The following OPN3 variants were observed in gnomAD, a reference collection of about 807,000 sequenced individuals.
OPN3 encodes the protein opsin-3.
OPN3 carries 29 observed loss-of-function variants against 33.8 expected under a neutral mutation model. The ratio of observed to expected loss-of-function variants is 0.86; its 90% CI spans 0.64 to 1.17. OPN3 has a LOEUF of 1.17. Ranked by LOEUF, OPN3 falls within the 50% of genes most tolerant of loss-of-function variation. The probability of loss-of-function intolerance (pLI) is 0.00; values close to 1 mark genes in which losing one functional copy is unlikely to be tolerated. For missense variants in OPN3, 437 were observed against 514.1 expected (o/e 0.85, Z 1.45); for synonymous variants, 216 against 216.1 (o/e 1.00, Z 0.00).
chr1:241,600,926 G>C (rs879854772), intron 2 of OPN3: 1 of 152,044 alleles, frequency 6.6e-6, no homozygotes, highest in Admixed American at 6.6e-5. Context: ...AAGCCATGAG[G>C]GAGGTAAACA....
intron 1 of OPN3, chr1:241,634,206 C>A: frequency 1.2e-6 from 2 of 1,613,996 alleles, no homozygotes. Flanking sequence ...GATTCTAAGT[C>A]TTCTCTTGCT....
At chr1:241,630,815 T>A (rs1467057815) in intron 1 of OPN3, 1 of 152,128 alleles carries the variant, frequency 6.6e-6, no homozygotes, top group Admixed American at 6.5e-5. Flanking sequence ...TTATCTGTAA[T>A]TAATACTTTG....
At chr1:241,622,571 T>C (rs1259549128) in intron 1 of OPN3, among the ~76,000 whole-genome samples, 1 of 152,222 alleles carries the variant, frequency 6.6e-6, no homozygotes, top group Non-Finnish European at 1.5e-5. Flanking sequence ...TGCCTGGTGA[T>C]CCACATTTTA....
intron 1 of OPN3, among the ~76,000 whole-genome samples, chr1:241,628,488 G>C (rs1664488499): frequency 6.6e-6 from 1 of 152,052 alleles, no homozygotes; most frequent in Non-Finnish European, 1.5e-5. Flanking sequence ...CTTCGCACAG[G>C]TCTCTCTGCA....
intron 2 of OPN3, chr1:241,600,648 C>T (rs1053197065): frequency 1.3e-5 from 2 of 152,166 alleles, no homozygotes; most frequent in Non-Finnish European, 2.9e-5. Context: ...TATGAGTCAC[C>T]TCTCTCTGAA....
At chr1:241,639,701 T>A (rs1039737817) in intron 1 of OPN3, among the ~76,000 whole-genome samples, 181 bp downstream of exon 1, 1 of 137,710 alleles carries the variant, frequency 7.3e-6, no homozygotes, top group Non-Finnish European at 1.6e-5. Context: ...GCACCCGCCA[T>A]GCGGCTGGGG....
At chr1:241,613,015 T>C (rs1486673703) in intron 1 of OPN3, among the ~76,000 whole-genome samples, 1 of 152,226 alleles carries the variant, frequency 6.6e-6, no homozygotes, top group Non-Finnish European at 1.5e-5. Flanking sequence ...GCTCCTATAA[T>C]ATCTAGTCAT....
intron 1 of OPN3, chr1:241,633,745 A>G (rs1664742000): frequency 1.3e-6 from 2 of 1,592,308 alleles, no homozygotes. Context: ...AAATGAGAAA[A>G]TTCTGATGCC....
At chr1:241,626,732 T>TA (rs1371538457) in intron 1 of OPN3, among the ~76,000 whole-genome samples, 1 of 152,152 alleles carries the variant, frequency 6.6e-6, no homozygotes, top group South Asian at 2.1e-4. Flanking sequence ...TGATAAAAAA[T>TA]AAAGTTTCCC....
At position 241,594,020 on chromosome 1, in the gene OPN3, CA is replaced by C. The variant is rs1221468383; in HGVS notation, c.*407del. ...TGACACTGAATAGAGTCCAACAGTA[CA>C]AAAAAAATTCAGTATGTTCTAGCTA... is the stretch of plus-strand genomic sequence containing the variant. On this transcript the variant is annotated 3_prime_UTR_variant, in exon 4 of 4. Coordinates refer to ENST00000366554, the MANE Select transcript of OPN3 (RefSeq NM_014322.3). 4.0e-5 allele frequency: 7 copies of C among 174,382 alleles called. No individual in the cohort carries two copies. Among genetic ancestry groups the C allele is most frequent in the South Asian group, 2.9e-4 (2 of 6,874 alleles). 10.8% of individuals were successfully genotyped at this position (174,382 alleles called of 1,614,324 possible).
intron 1 of OPN3, among the ~76,000 whole-genome samples, chr1:241,637,389 T>C (rs1216318212): frequency 1.3e-5 from 2 of 152,210 alleles, no homozygotes; most frequent in African/African-American, 4.8e-5. Context: ...CACTCATTTT[T>C]GGCATTCCCT....
At chr1:241,625,705 T>A (rs923904662) in intron 1 of OPN3, among the ~76,000 whole-genome samples, 1 of 152,172 alleles carries the variant, frequency 6.6e-6, no homozygotes, top group South Asian at 2.1e-4. Flanking sequence ...AAGACAGCAG[T>A]TCCTATCAAC....
intron 1 of OPN3, among the ~76,000 whole-genome samples, chr1:241,608,920 C>T (rs1663909854): frequency 6.6e-6 from 1 of 152,204 alleles, no homozygotes; most frequent in Non-Finnish European, 1.5e-5. Context: ...ATCTAATCTA[C>T]ATCTTCCTTG....
intron 3 of OPN3, 47 bp from the exon 4 acceptor site, chr1:241,594,738 C>T: frequency 1.3e-6 from 2 of 1,587,550 alleles, no homozygotes; most frequent in South Asian, 2.3e-5. Flanking sequence ...AAGTTGGGCA[C>T]TAATCTGGAT....
intron 1 of OPN3, chr1:241,633,850 T>G (rs770303697): frequency 6.2e-7 from 1 of 1,613,776 alleles, no homozygotes; most frequent in Non-Finnish European, 8.5e-7. Context: ...CCTCAGAGGA[T>G]TCTAGTTTGG....
rs1303724930 is a variant in OPN3 at position 241,594,392 on chromosome 1, A to G, written c.*36T>C. On this transcript the variant is annotated 3_prime_UTR_variant, in exon 4 of 4. Transcript: ENST00000366554. ...GATGAAAGTCCAAAAGTGGCATCCA[A>G]TTTAAGGCCCCATCTTTCGTTGCCA... The G allele has an allele frequency of 1.9e-6, 3 of 1,595,004 alleles. No homozygotes were observed. The highest frequency in any genetic ancestry group is 1.7e-5 in the Admixed American group (1 of 59,016).
At position 241,593,605 on chromosome 1, in the gene OPN3, A is replaced by G. The variant is rs774461180; in HGVS notation, c.*823T>C. On this transcript the variant is annotated 3_prime_UTR_variant, in exon 4 of 4. Transcript: ENST00000366554. Reference sequence around the variant, plus strand: ...GGCCCCTATAACAAAAGACAGATTGACAAGAGAAAAACAAACATAAATTTA... The same window carrying G: ...GGCCCCTATAACAAAAGACAGATTGGCAAGAGAAAAACAAACATAAATTTA... 8.9e-6 allele frequency: 2 copies of G among 223,474 alleles called. No individual in the cohort carries two copies. Among genetic ancestry groups the G allele is most frequent in the Non-Finnish European group, 1.9e-5 (2 of 102,716 alleles). 13.8% of individuals were successfully genotyped at this position (223,474 alleles called of 1,614,324 possible). A position where few individuals can be genotyped will look rare whatever the true frequency, so the allele number is the denominator to read the frequency against.
chr1:241,618,966 G>C (rs1311052719), intron 1 of OPN3, among the ~76,000 whole-genome samples: 1 of 145,636 alleles, frequency 6.9e-6, no homozygotes, highest in Non-Finnish European at 1.5e-5. Context: ...CAGTGGGCAG[G>C]CTAGTTTATA....
At chr1:241,636,167 C>A (rs1216228005) in intron 1 of OPN3, 1 of 406,086 alleles carries the variant, frequency 2.5e-6, no homozygotes, top group Admixed American at 4.1e-5. Context: ...AGTGTGACAT[C>A]TTATTTGGAC....
Sources: allele counts gnomAD v4.1 joint callset (sites outside exome capture counted in the v4.1 genomes callset), GRCh38; gene constraint gnomAD v4.1.1; transcripts MANE v1.5; gene names NCBI Gene and HGNC (gene_info 2026-07-23, HGNC 2026-07-21).